The following ALS2 variants were observed in gnomAD, a reference collection of about 807,000 sequenced individuals.
ALS2 encodes alsin.
A neutral mutation model predicts 203.4 loss-of-function variants in ALS2; 117 were observed. That is an observed-to-expected ratio of 0.58 (90% CI 0.50 to 0.67). The LOEUF is 0.67. ALS2 is among the 30% of genes least tolerant of loss of function. The pLI, the probability that ALS2 is intolerant of heterozygous loss-of-function variation, is 0.00. For missense variants in ALS2, 1,715 were observed against 1,989.4 expected, an observed-to-expected ratio of 0.86 and a Z score of 2.62; for synonymous variants, 718 against 725.9, an observed-to-expected ratio of 0.99 and a Z score of 0.17.
intron 24 of ALS2, 69 bp downstream of exon 24, chr2:201,718,008 C>T (rs2105986977): frequency 3.3e-6 from 5 of 1,505,600 alleles, no homozygotes; most frequent in Non-Finnish European, 4.6e-6. Flanking sequence ...AAATATTAAC[C>T]AGCTTTGATA....
chr2:201,772,872 T>TTTTTTTTC (rs577051693), intron 1 of ALS2, among the ~76,000 whole-genome samples: 1 of 106,040 alleles, frequency 9.4e-6, no homozygotes, highest in Non-Finnish European at 2.1e-5. Context: ...TTTTTTTTTT[T>TTTTTTTTC]CATTTTTGAG....
intron 1 of ALS2, among the ~76,000 whole-genome samples, chr2:201,777,761 T>C (rs1694722622): frequency 6.6e-6 from 1 of 152,202 alleles, no homozygotes; most frequent in Non-Finnish European, 1.5e-5. Context: ...AAATAATGCA[T>C]GCTATTATGT....
intron 32 of ALS2, 93 bp downstream of exon 32, chr2:201,704,361 G>T: frequency 6.5e-7 from 1 of 1,537,116 alleles, no homozygotes; most frequent in Non-Finnish European, 9.0e-7. Flanking sequence ...TTTTTCTAGT[G>T]GAAGAGCGTA....
At chr2:201,705,079 T>A in intron 31 of ALS2, 60 bp downstream of exon 31, 1 of 1,457,028 alleles carries the variant, frequency 6.9e-7, no homozygotes, top group Non-Finnish European at 9.6e-7. Context: ...ATATTAATAA[T>A]ATCTTAATAG....
intron 33 of ALS2, among the ~76,000 whole-genome samples, chr2:201,702,451 C>T (rs1274718646): frequency 6.6e-6 from 1 of 152,062 alleles, no homozygotes; most frequent in Non-Finnish European, 1.5e-5. Context: ...GGAGTAGAAC[C>T]ATTGAGTCAA....
rs371296732 is a variant in ALS2, at chr2:201,754,689, G to A, written c.1472-18C>T. 329 of 1,614,022 alleles carry A rather than the reference G, an allele frequency of 2.0e-4. 1 individual carries two copies. In the African/African-American group the frequency reaches 2.9e-3, roughly 14 times the overall value. The stretch of plus-strand genomic sequence containing the variant: ...GGGGGAAACTGAAAACCAACCAGAC[G>A]TGGGGTGAAGGAGTGGGAGTCCAGA... On this transcript the variant is annotated intron_variant, in intron 5 of 33. Coordinates refer to ENST00000264276, the MANE Select transcript of ALS2 (RefSeq NM_020919.4).
At chr2:201,753,863 C>T (rs1693220186) in intron 6 of ALS2, among the ~76,000 whole-genome samples, 2 of 152,106 alleles carry the variant, frequency 1.3e-5, no homozygotes, top group Admixed American at 1.3e-4. Flanking sequence ...TCTTTTTCAT[C>T]AATTAAAAAT....
At chr2:201,727,429 G>T (rs976175195) in intron 16 of ALS2, 151 bp from the exon 17 acceptor site, 3 of 789,816 alleles carry the variant, frequency 3.8e-6, no homozygotes, top group Non-Finnish European at 6.5e-6. Flanking sequence ...CACCACGGTG[G>T]AAAGAACAAA....
At chr2:201,769,609 C>A (rs1266977517) in intron 1 of ALS2, among the ~76,000 whole-genome samples, 1 of 152,056 alleles carries the variant, frequency 6.6e-6, no homozygotes, top group African/African-American at 2.4e-5. Flanking sequence ...ATTATAGTTA[C>A]AAATATCATG....
chr2:201,766,371 C>A (rs1157826328), intron 3 of ALS2, among the ~76,000 whole-genome samples: 3 of 151,988 alleles, frequency 2.0e-5, no homozygotes, highest in Non-Finnish European at 4.4e-5. Context: ...CTAGGCTGGG[C>A]GTGGTGGCTC....
rs532666793 is a variant in ALS2, at chr2:201,727,767, C to T, written c.2850G>A (p.Thr950=). The change falls in exon 16 of 34, where the codon ACG becomes ACA. Residue 950 remains threonine (T), a synonymous_variant. Transcript: ENST00000264276. ...NDALVHAQFS[T]HHVFPLATLW... ...GCGTGGCCAGAGGGAAAACATGGTGCGTGGAGAACTGAAACAGAGAACACG... is the reference window on the plus strand; with the variant it reads ...GCGTGGCCAGAGGGAAAACATGGTGTGTGGAGAACTGAAACAGAGAACACG... 16 of 1,551,668 alleles carry T rather than the reference C, an allele frequency of 1.0e-5. No individual in the cohort carries two copies. Among genetic ancestry groups the T allele is most frequent in the Admixed American group, 2.0e-5 (1 of 51,012 alleles).
intron 15 of ALS2, 87 bp from the exon 16 acceptor site, chr2:201,727,862 A>T: frequency 7.9e-7 from 1 of 1,258,592 alleles, no homozygotes; most frequent in Non-Finnish European, 1.1e-6. Flanking sequence ...TCATTAACCC[A>T]CATGGGCCTT....
At chr2:201,758,986 T>C (rs1322027500) in intron 4 of ALS2, among the ~76,000 whole-genome samples, 1 of 152,182 alleles carries the variant, frequency 6.6e-6, no homozygotes, top group Non-Finnish European at 1.5e-5. Context: ...ATACAAAGCC[T>C]ATTACTTCTT....
intron 30 of ALS2, 52 bp from the exon 31 acceptor site, chr2:201,705,252 A>C (rs781093086): frequency 6.4e-7 from 1 of 1,570,388 alleles, no homozygotes; most frequent in Non-Finnish European, 8.8e-7. Flanking sequence ...CTGCAACAAC[A>C]GAAATAAATG....
chr2:201,772,421 T>C (rs2106111524), intron 1 of ALS2, among the ~76,000 whole-genome samples: 1 of 152,352 alleles, frequency 6.6e-6, no homozygotes, highest in East Asian at 1.9e-4. Flanking sequence ...ACACTTTTGG[T>C]GGCAAAATCT....
intron 7 of ALS2, among the ~76,000 whole-genome samples, chr2:201,751,876 A>G (rs566181512): frequency 3.0e-4 from 46 of 152,326 alleles, no homozygotes; most frequent in African/African-American, 1.0e-3. Flanking sequence ...AACATTTACT[A>G]CATTTACCGG....
In ALS2 at chr2:201,768,638, A is replaced by T. The variant is rs553598771; in HGVS notation, c.20+228T>A. 1.1e-4 allele frequency among the ~76,000 whole-genome samples: 17 copies of T among 152,338 alleles called. No homozygotes were observed. The South Asian group carries it at 3.5e-3, about 32-fold the overall frequency. On this transcript the variant is annotated intron_variant, in intron 2 of 33. Transcript: ENST00000264276. ...AATTATTTGTGAGGGAAAAATGGCT[A>T]CAAGCACTTTAAAATGATGAAATGA...
intron 7 of ALS2, among the ~76,000 whole-genome samples, chr2:201,750,999 C>A (rs1693008413): frequency 1.3e-5 from 2 of 151,836 alleles, no homozygotes; most frequent in Admixed American, 6.6e-5. Context: ...ATTACAGGCG[C>A]CTGTCATCAC....
chr2:201,770,244 T>C (rs1694316774), intron 1 of ALS2, among the ~76,000 whole-genome samples: 1 of 152,216 alleles, frequency 6.6e-6, no homozygotes, highest in South Asian at 2.1e-4. Context: ...TCTACGAGGA[T>C]GTGGAAGCAC....
Sources: allele counts gnomAD v4.1 joint callset (sites outside exome capture counted in the v4.1 genomes callset), GRCh38; gene constraint gnomAD v4.1.1; transcripts MANE v1.5; gene names NCBI Gene and HGNC (gene_info 2026-07-23, HGNC 2026-07-21).